ZC2HC1A: variants seen among roughly 807,000 people sequenced by gnomAD.
ZC2HC1A encodes the protein zinc finger C2HC domain-containing protein 1A.
ZC2HC1A carries 28 observed loss-of-function variants against 40.7 expected under a neutral mutation model. That is an observed-to-expected ratio of 0.69 (90% confidence interval 0.51 to 0.94). The LOEUF (loss-of-function observed/expected upper bound fraction) is 0.94. Among genes scored for constraint, ZC2HC1A ranks in the 40% least tolerant of loss-of-function variants. The probability of loss-of-function intolerance (pLI) is 0.00; values close to 1 mark genes in which losing one functional copy is unlikely to be tolerated. For missense variants in ZC2HC1A, 389 were observed against 386.3 expected, an observed-to-expected ratio of 1.01 and a Z score of -0.06; for synonymous variants, 129 against 129.2, an observed-to-expected ratio of 1.00 and a Z score of 0.01.
chr8:78,691,911 G>T (rs76390497), intron 5 of ZC2HC1A, among the ~76,000 whole-genome samples: 5,618 of 152,012 alleles, frequency 0.037, 315 homozygotes, highest in African/African-American at 0.13. Context: ...AATTGTAAAC[G>T]TGCAGATTAT....
chr8:78,699,277 T>C (rs1042369383), intron 7 of ZC2HC1A, among the ~76,000 whole-genome samples: 5 of 152,144 alleles, frequency 3.3e-5, no homozygotes, highest in African/African-American at 4.8e-5. Flanking sequence ...TCAATAGTTA[T>C]GGGAAAAATT....
rs1416099361 is a variant in ZC2HC1A at position 78,697,450 on chromosome 8, C to T, written c.548C>T (p.Ala183Val). The T allele has an allele frequency of 1.9e-6, 3 of 1,610,278 alleles. No individual in the cohort carries two copies. The highest frequency in any genetic ancestry group is 2.2e-5 in the South Asian group (2 of 90,276). The change falls in exon 6 of 9, where the codon GCA (alanine) becomes GTA (valine). Residue 183 changes from alanine to valine, a missense_variant. By Grantham distance (64) the Ala-to-Val change is moderately conservative. Coordinates refer to ENST00000263849, the MANE Select transcript of ZC2HC1A (RefSeq NM_016010.3). ...AAAAAGTCAAATTCTCCTGGAACTG[C>T]ATCATCAGGATCTTCACGATTACCG... is the stretch of plus-strand genomic sequence containing the variant. ...ALKKSNSPGT[A>V]SSGSSRLPQP...
intron 5 of ZC2HC1A, among the ~76,000 whole-genome samples, chr8:78,690,425 T>TG (rs1328127811): frequency 5.9e-5 from 9 of 152,096 alleles, no homozygotes; most frequent in Middle Eastern, 3.2e-3. Flanking sequence ...CTGGACGTGG[T>TG]GGCGGGCGCC....
At chr8:78,697,572 A>C in intron 6 of ZC2HC1A, 66 bp downstream of exon 6, 2 of 1,162,294 alleles carry the variant, frequency 1.7e-6, no homozygotes, top group Non-Finnish European at 1.3e-6. Flanking sequence ...GGAAATAAAG[A>C]TAGTGGTCTA....
At position 78,686,590 on chromosome 8, in the gene ZC2HC1A, C is replaced by T; in HGVS notation, c.334C>T (p.Pro112Ser). The T allele has an allele frequency of 6.6e-7, 1 of 1,524,932 alleles. No homozygotes were observed. Among genetic ancestry groups the T allele is most frequent in the Non-Finnish European group, 8.8e-7 (1 of 1,136,694 alleles). 94.5% of individuals were successfully genotyped at this position (1,524,932 alleles called of 1,614,324 possible). Residue 112 changes from proline (P) to serine (S), a missense_variant, in exon 4 of 9, where the codon CCA (proline) becomes TCA (serine). Pro to Ser is a moderately conservative substitution (Grantham distance 74). Coordinates refer to ENST00000263849, the MANE Select transcript of ZC2HC1A (RefSeq NM_016010.3). Reference sequence around the variant, plus strand: ...GGGTGGCAAACTTCCTCCTCCTCCTCCACCTTCTTATGATCCTGGTATTTG... The same window carrying T: ...GGGTGGCAAACTTCCTCCTCCTCCTTCACCTTCTTATGATCCTGGTATTTG... ...KEGGKLPPPPPPSYDPDYIQC... is the reference protein window; with the variant it reads ...KEGGKLPPPPSPSYDPDYIQC...
At chr8:78,688,741 AT>A (rs1447145394) in intron 4 of ZC2HC1A, among the ~76,000 whole-genome samples, 1 of 152,130 alleles carries the variant, frequency 6.6e-6, no homozygotes, top group African/African-American at 2.4e-5. Flanking sequence ...TTAAGAGAAA[AT>A]AGCACTTTAA....
rs182132121 is a variant in ZC2HC1A at position 78,690,281 on chromosome 8, C to T, written c.504+908C>T. Among the ~76,000 whole-genome samples the T allele has an allele frequency of 1.8e-4, 27 of 152,226 alleles. 1 individual carries two copies. The highest frequency in any genetic ancestry group is 1.4e-3 in the Admixed American group (21 of 15,292). On this transcript the variant is annotated intron_variant, in intron 5 of 8. Coordinates refer to ENST00000263849, the MANE Select transcript of ZC2HC1A (RefSeq NM_016010.3). ...TCCTTTTAAAATTTTCTTTGGCAGC[C>T]GGGTGCAGTGGCTCCCGCCTTTAAT...
chr8:78,697,554 G>T (rs1381557619), intron 6 of ZC2HC1A, 48 bp downstream of exon 6: 14 of 1,433,920 alleles, frequency 9.8e-6, no homozygotes, highest in South Asian at 1.2e-5. Context: ...AACCATGTTG[G>T]CAGAGCAGGA....
chr8:78,711,871 T>A (rs1586030594), intron 7 of ZC2HC1A: 1 of 493,838 alleles, frequency 2.0e-6, no homozygotes, highest in East Asian at 6.9e-5. Flanking sequence ...GACAGTCAGA[T>A]AAAATTAAGG....
chr8:78,708,045 A>C (rs1386709341), intron 7 of ZC2HC1A, among the ~76,000 whole-genome samples: 1 of 152,132 alleles, frequency 6.6e-6, no homozygotes, highest in Non-Finnish European at 1.5e-5. Context: ...CTGTTAATCT[A>C]TTGGCATGTC....
At chr8:78,686,703 A>G (rs1809987416) in intron 4 of ZC2HC1A, 95 bp downstream of exon 4, 4 of 1,264,200 alleles carry the variant, frequency 3.2e-6, no homozygotes, top group Non-Finnish European at 3.1e-6. Flanking sequence ...ACTTACAATC[A>G]TGGAGTGTTA....
chr8:78,697,721 C>G (rs548998859), intron 6 of ZC2HC1A, among the ~76,000 whole-genome samples: 1 of 150,832 alleles, frequency 6.6e-6, no homozygotes, highest in East Asian at 1.9e-4. Context: ...CTCTGTTGCC[C>G]AGGTTTGAGT....
At chr8:78,696,600 G>A (rs866497048) in intron 5 of ZC2HC1A, among the ~76,000 whole-genome samples, 3 of 152,098 alleles carry the variant, frequency 2.0e-5, no homozygotes, top group African/African-American at 2.4e-5. Context: ...AATTAATAAA[G>A]ATGTCTCTTT....
intron 7 of ZC2HC1A, among the ~76,000 whole-genome samples, chr8:78,702,724 A>G (rs776030978): frequency 2.7e-4 from 41 of 152,240 alleles, no homozygotes; most frequent in Middle Eastern, 6.8e-3. Context: ...TTATCCAAAA[A>G]TCATTCAGGA....
intron 4 of ZC2HC1A, among the ~76,000 whole-genome samples, chr8:78,688,488 TA>T (rs1257183139): frequency 1.3e-5 from 2 of 152,210 alleles, no homozygotes; most frequent in Non-Finnish European, 2.9e-5. Flanking sequence ...AAATAAGTTG[TA>T]AACCTGTTAA....
chr8:78,674,678 G>T (rs1422875901), intron 1 of ZC2HC1A, among the ~76,000 whole-genome samples: 1 of 152,124 alleles, frequency 6.6e-6, no homozygotes, highest in Non-Finnish European at 1.5e-5. Flanking sequence ...GTCAAGTAGG[G>T]CAGTGGAGTA....
At chr8:78,702,265 T>A (rs1810629254) in intron 7 of ZC2HC1A, among the ~76,000 whole-genome samples, 1 of 152,190 alleles carries the variant, frequency 6.6e-6, no homozygotes, top group Non-Finnish European at 1.5e-5. Flanking sequence ...TATTGAGGTA[T>A]TCATAATATT....
chr8:78,671,521 T>C (rs1190631889), intron 1 of ZC2HC1A, among the ~76,000 whole-genome samples: 1 of 152,200 alleles, frequency 6.6e-6, no homozygotes, highest in Non-Finnish European at 1.5e-5. Flanking sequence ...TTAGTGGAGA[T>C]TGCCTGCATG....
chr8:78,695,803 A>C (rs531580340), intron 5 of ZC2HC1A, among the ~76,000 whole-genome samples: 13 of 152,068 alleles, frequency 8.5e-5, no homozygotes, highest in African/African-American at 3.1e-4. Flanking sequence ...TTGGTTTTCT[A>C]TTTTTCAGGT....
Sources: gnomAD v4.1 joint callset for allele counts (sites outside exome capture counted in the v4.1 genomes callset) on GRCh38, gnomAD v4.1.1 for gene constraint, MANE v1.5 for transcripts, NCBI Gene and HGNC (gene_info 2026-07-23, HGNC 2026-07-21) for gene names.